The following EXOC4 variants were observed in gnomAD, a reference collection of about 807,000 sequenced individuals.
EXOC4 encodes SEC8-like 1.
EXOC4 carries 71 observed loss-of-function variants against 107.2 expected under a neutral mutation model. That is an observed-to-expected ratio of 0.66 (90% CI 0.55 to 0.81). The LOEUF is 0.81. Ranked by LOEUF, EXOC4 falls within the 30% of genes least tolerant of loss-of-function variation. The pLI, the probability that EXOC4 is intolerant of heterozygous loss-of-function variation, is 0.00. For missense variants in EXOC4, 1,108 were observed against 1,189.6 expected (o/e 0.93, Z 1.01); for synonymous variants, 456 against 441.2 (o/e 1.03, Z -0.42).
At chr7:133,745,949 T>G (rs77901348) in intron 10 of EXOC4, among the ~76,000 whole-genome samples, 1,750 of 152,250 alleles carry the variant, frequency 0.011, 18 homozygotes, top group Non-Finnish European at 0.019. Context: ...TTTTCTGTGT[T>G]TTTCAGTCAT....
chr7:133,644,156 T>C lies in EXOC4; in HGVS notation c.1514+14015T>C, dbSNP rs571491862. The stretch of plus-strand genomic sequence containing the variant: ...TTTTGTCCATTTGACCTAGAAGTTT[T>C]CTGCTTATATAAATTAAGTAGGTAT... On this transcript the variant is annotated intron_variant, in intron 10 of 17. Coordinates refer to ENST00000253861, the MANE Select transcript of EXOC4 (RefSeq NM_021807.4). 1.3e-3 allele frequency among the ~76,000 whole-genome samples: 204 copies of C among 152,362 alleles called. 1 individual carries two copies. The highest frequency in any genetic ancestry group is 4.5e-3 in the African/African-American group (188 of 41,584).
At chr7:133,795,816 T>C in intron 10 of EXOC4, among the ~76,000 whole-genome samples, 1 of 152,220 alleles carries the variant, frequency 6.6e-6, no homozygotes, top group East Asian at 1.9e-4. Context: ...ACTCTAGTTA[T>C]ATTTGGGGGT....
intron 10 of EXOC4, among the ~76,000 whole-genome samples, chr7:133,779,836 C>T (rs1360724414): frequency 2.0e-5 from 3 of 151,874 alleles, no homozygotes; most frequent in Non-Finnish European, 4.4e-5. Context: ...AGGACATGGG[C>T]GGGGACAAAT....
intron 9 of EXOC4, among the ~76,000 whole-genome samples, chr7:133,510,575 T>C (rs1344305149): frequency 6.6e-6 from 1 of 152,116 alleles, no homozygotes; most frequent in African/African-American, 2.4e-5. Context: ...CCTCATGGAG[T>C]TGCTGTGAGG....
intron 17 of EXOC4, among the ~76,000 whole-genome samples, chr7:134,045,436 A>G (rs1017576204): frequency 2.0e-5 from 3 of 152,160 alleles, no homozygotes; most frequent in African/African-American, 7.2e-5. Context: ...AGATGTTGCC[A>G]TATCTGTCAG....
intron 1 of EXOC4, among the ~76,000 whole-genome samples, chr7:133,265,990 A>C (rs1364769486): frequency 1.3e-5 from 2 of 152,178 alleles, no homozygotes. Flanking sequence ...CCAAAATGAC[A>C]CTGCCTGTGT....
intron 10 of EXOC4, among the ~76,000 whole-genome samples, chr7:133,738,524 A>G (rs1050108655): frequency 2.6e-5 from 4 of 152,168 alleles, no homozygotes; most frequent in African/African-American, 9.7e-5. Context: ...TTTGAGCTGC[A>G]TTCTACGAGA....
intron 5 of EXOC4, among the ~76,000 whole-genome samples, chr7:133,342,249 A>G (rs1795679489): frequency 6.6e-6 from 1 of 152,136 alleles, no homozygotes; most frequent in Non-Finnish European, 1.5e-5. Context: ...GAATTCTCTT[A>G]GCATTTGTTT....
intron 7 of EXOC4, among the ~76,000 whole-genome samples, chr7:133,470,869 T>G (rs1798857293): frequency 6.6e-6 from 1 of 152,244 alleles, no homozygotes; most frequent in Non-Finnish European, 1.5e-5. Context: ...ACGCAAATGT[T>G]AATCAGAATA....
At chr7:133,610,622 T>C (rs963239085) in intron 9 of EXOC4, among the ~76,000 whole-genome samples, 3 of 151,942 alleles carry the variant, frequency 2.0e-5, no homozygotes, top group African/African-American at 7.2e-5. Flanking sequence ...TTTCTTCCAC[T>C]TTTTTTTATA....
chr7:133,696,377 G>A (rs1183187529), intron 10 of EXOC4, among the ~76,000 whole-genome samples: 3 of 152,224 alleles, frequency 2.0e-5, no homozygotes, highest in East Asian at 1.9e-4. Context: ...AGGTCATCCA[G>A]TCAATACTAT....
intron 9 of EXOC4, among the ~76,000 whole-genome samples, chr7:133,609,380 C>T (rs1186718169): frequency 6.6e-6 from 1 of 152,136 alleles, no homozygotes; most frequent in African/African-American, 2.4e-5. Flanking sequence ...GTGAATATAG[C>T]ATATTCCAAT....
In EXOC4 at chr7:134,043,932, A is replaced by T. The variant is rs10260201; in HGVS notation, c.2688-20359A>T. 1.5e-3 allele frequency among the ~76,000 whole-genome samples: 221 copies of T among 152,252 alleles called. 1 individual carries two copies. The highest frequency in any genetic ancestry group is 5.1e-3 in the African/African-American group (211 of 41,544). On this transcript the variant is annotated intron_variant, in intron 17 of 17. Transcript: ENST00000253861. ...TCTACAGCTCCAACACAGTTGTGCT[A>T]ATTGGAAGTGGGGCCTTTAAAATAA...
chr7:134,043,035 C>G (rs989017722), intron 17 of EXOC4, among the ~76,000 whole-genome samples: 1 of 152,280 alleles, frequency 6.6e-6, no homozygotes, highest in African/African-American at 2.4e-5. Context: ...ATTAAGACTC[C>G]GTCTCAATCA....
At chr7:133,436,760 A>C (rs1444186812) in intron 7 of EXOC4, among the ~76,000 whole-genome samples, 3 of 152,204 alleles carry the variant, frequency 2.0e-5, no homozygotes, top group Non-Finnish European at 2.9e-5. Context: ...CTATGCAAAA[A>C]AACTCCAAAA....
intron 9 of EXOC4, among the ~76,000 whole-genome samples, chr7:133,525,118 A>G (rs1400544399): frequency 1.3e-5 from 2 of 152,102 alleles, no homozygotes; most frequent in African/African-American, 2.4e-5. Context: ...TGGTTCTTGG[A>G]GTGCTTCATA....
intron 10 of EXOC4, chr7:133,732,785 ATC>A (rs1795356093): frequency 6.0e-6 from 1 of 165,296 alleles, no homozygotes; most frequent in African/African-American, 2.4e-5. Context: ...TTTTATCATT[ATC>A]TCCTGGATTT....
intron 7 of EXOC4, among the ~76,000 whole-genome samples, chr7:133,377,939 C>A (rs1387906635): frequency 6.6e-6 from 1 of 152,072 alleles, no homozygotes; most frequent in Middle Eastern, 3.2e-3. Context: ...TAAAATGAAG[C>A]TGAAATAGAG....
At chr7:134,060,489 A>G (rs1157928059) in intron 17 of EXOC4, among the ~76,000 whole-genome samples, 1 of 152,188 alleles carries the variant, frequency 6.6e-6, no homozygotes, top group Non-Finnish European at 1.5e-5. Flanking sequence ...CATCAAATGG[A>G]AAATGTGTTG....
Sources: gnomAD v4.1 joint callset for allele counts (sites outside exome capture counted in the v4.1 genomes callset) on GRCh38, gnomAD v4.1.1 for gene constraint, MANE v1.5 for transcripts, NCBI Gene and HGNC (gene_info 2026-07-23, HGNC 2026-07-21) for gene names.